The following HSD17B3 variants were observed in gnomAD, a reference collection of about 807,000 sequenced individuals.
The protein encoded by HSD17B3 is 17-beta-hydroxysteroid dehydrogenase type 3.
A neutral mutation model predicts 41.1 loss-of-function variants in HSD17B3; 29 were observed. The ratio of observed to expected loss-of-function variants is 0.71; its 90% CI spans 0.53 to 0.96. The LOEUF (loss-of-function observed/expected upper bound fraction) is 0.96. Ranked by LOEUF, HSD17B3 falls within the 40% of genes least tolerant of loss-of-function variation. HSD17B3 has a pLI of 0.00. For missense variants in HSD17B3, 323 were observed against 374.6 expected (o/e 0.86, Z 1.14); for synonymous variants, 126 against 145.6 (o/e 0.87, Z 0.97).
At chr9:96,287,384 G>A (rs1587780930) in intron 2 of HSD17B3, among the ~76,000 whole-genome samples, 2 of 152,204 alleles carry the variant, frequency 1.3e-5, no homozygotes, top group East Asian at 3.9e-4. Context: ...CCCAACTGCT[G>A]CAGAAATGTG....
At chr9:96,272,415 A>C (rs376312023) in intron 2 of HSD17B3, among the ~76,000 whole-genome samples, 3,398 of 13,612 alleles carry the variant, frequency 0.25, 185 homozygotes, top group African/African-American at 0.27. Context: ...CTATATATAT[A>C]TATATATATA....
At chr9:96,264,775 C>T (rs918664406) in intron 2 of HSD17B3, among the ~76,000 whole-genome samples, 1 of 152,190 alleles carries the variant, frequency 6.6e-6, no homozygotes. Flanking sequence ...CTAACTTTTA[C>T]AATAGCCATG....
At chr9:96,246,437 T>C in intron 7 of HSD17B3, 119 bp downstream of exon 7, 1 of 871,704 alleles carries the variant, frequency 1.1e-6, no homozygotes, top group South Asian at 1.4e-5. Context: ...GCTTTCATCA[T>C]AGCTGTTATC....
chr9:96,237,631 T>C (rs749102437), intron 10 of HSD17B3, among the ~76,000 whole-genome samples: 1 of 152,232 alleles, frequency 6.6e-6, no homozygotes, highest in Non-Finnish European at 1.5e-5. Context: ...TACCATTTGA[T>C]GATACATGGT....
intron 5 of HSD17B3, among the ~76,000 whole-genome samples, chr9:96,250,849 C>T (rs1398412974): frequency 6.6e-6 from 1 of 151,064 alleles, no homozygotes; most frequent in Non-Finnish European, 1.5e-5. Context: ...GATCATGTTA[C>T]CGCACACCAG....
At chr9:96,251,120 G>A (rs759689781) in intron 5 of HSD17B3, 4 of 442,064 alleles carry the variant, frequency 9.0e-6, no homozygotes, top group East Asian at 3.6e-5. Context: ...GTGTTAGGCA[G>A]AATTACCCTT....
chr9:96,269,909 G>GAAAAAAAAAAAAAAAAAAAAAAAAA (rs59947729), intron 2 of HSD17B3, among the ~76,000 whole-genome samples: 1 of 103,880 alleles, frequency 9.6e-6, no homozygotes, highest in Non-Finnish European at 1.9e-5. Flanking sequence ...ATCTTAAAAA[G>GAAAAAAAAAAAAAAAAAAAAAAAAA]AAAAAAAAAA....
At chr9:96,247,230 T>A (rs1366709181) in intron 6 of HSD17B3, 1 of 155,004 alleles carries the variant, frequency 6.5e-6, no homozygotes, top group Non-Finnish European at 1.4e-5. Flanking sequence ...AAGGTACACA[T>A]TTTACAAATG....
intron 10 of HSD17B3, among the ~76,000 whole-genome samples, chr9:96,238,005 T>G (rs549665567): frequency 6.6e-6 from 1 of 152,048 alleles, no homozygotes; most frequent in South Asian, 2.1e-4. Flanking sequence ...TGTAGTGGCA[T>G]GTGCCTATAG....
At chr9:96,246,097 C>T (rs1836650627) in intron 7 of HSD17B3, among the ~76,000 whole-genome samples, 1 of 152,192 alleles carries the variant, frequency 6.6e-6, no homozygotes, top group Non-Finnish European at 1.5e-5. Context: ...CTGAGAAAAA[C>T]CAACTCCCAA....
chr9:96,255,258 C>G (rs979092746), intron 2 of HSD17B3, among the ~76,000 whole-genome samples: 3 of 151,330 alleles, frequency 2.0e-5, no homozygotes, highest in African/African-American at 7.3e-5. Flanking sequence ...AATTCATGGG[C>G]TCAGCTATGC....
At chr9:96,297,465 G>A (rs1057465872) in intron 2 of HSD17B3, among the ~76,000 whole-genome samples, 2 of 149,242 alleles carry the variant, frequency 1.3e-5, no homozygotes, top group Admixed American at 1.4e-4. Context: ...TCCTGCCTCA[G>A]CCTCCCAAGT....
chr9:96,247,592 G>C (rs1256442486), intron 6 of HSD17B3, among the ~76,000 whole-genome samples: 1 of 152,198 alleles, frequency 6.6e-6, no homozygotes, highest in Non-Finnish European at 1.5e-5. Context: ...TGCAACACTG[G>C]ATTTTGGGGA....
intron 2 of HSD17B3, among the ~76,000 whole-genome samples, chr9:96,289,825 C>A: frequency 6.6e-6 from 1 of 152,106 alleles, no homozygotes. Context: ...GGTTTTGCCA[C>A]CCCCTTTTCA....
chr9:96,242,508 T>G (rs774088471), intron 9 of HSD17B3, among the ~76,000 whole-genome samples: 9 of 152,228 alleles, frequency 5.9e-5, no homozygotes, highest in Non-Finnish European at 1.3e-4. Context: ...AGAGCTGTGA[T>G]GAAATTCAAA....
intron 10 of HSD17B3, among the ~76,000 whole-genome samples, chr9:96,238,613 GATCGCACCACT>G (rs1324241608): frequency 6.6e-6 from 1 of 151,958 alleles, no homozygotes; most frequent in Non-Finnish European, 1.5e-5. Flanking sequence ...AGTGAGCCAA[GATCGCACCACT>G]GCACTCCAGC....
intron 2 of HSD17B3, among the ~76,000 whole-genome samples, chr9:96,294,360 G>T (rs904896149): frequency 2.4e-4 from 36 of 152,232 alleles, no homozygotes; most frequent in African/African-American, 8.4e-4. Context: ...ACCCAGAAGC[G>T]CAGAATGGAT....
Position 96,284,114 on chromosome 9 carries a change from C to T in HSD17B3, c.201+14302G>A, listed in dbSNP as rs557643872. On this transcript the variant is annotated intron_variant, in intron 2 of 10. Transcript: ENST00000375263. ...GCAGGTGCCTGTAGTCCCAGCTACT[C>T]AGGAGGCTGAGGCAGGAGAATTGCT... Among the ~76,000 whole-genome samples the T allele has an allele frequency of 2.0e-5, 3 of 149,104 alleles. No individual in the cohort carries two copies. In the East Asian group the frequency reaches 5.9e-4, roughly 29 times the overall value.
intron 2 of HSD17B3, among the ~76,000 whole-genome samples, chr9:96,259,298 T>G (rs574267437): frequency 2.0e-5 from 3 of 152,266 alleles, no homozygotes; most frequent in African/African-American, 7.2e-5. Flanking sequence ...TTCACTGCCA[T>G]GATGACCTGA....
Sources: gnomAD v4.1 joint callset for allele counts (sites outside exome capture counted in the v4.1 genomes callset) on GRCh38, gnomAD v4.1.1 for gene constraint, MANE v1.5 for transcripts, NCBI Gene and HGNC (gene_info 2026-07-23, HGNC 2026-07-21) for gene names.